Variants in DENND5B observed in about 807,000 individuals in gnomAD.
DENND5B encodes DENN domain-containing protein 5B.
DENND5B carries 34 observed loss-of-function variants against 140.6 expected under a neutral mutation model. The observed-to-expected ratio is 0.24, with a 90% CI of 0.18 to 0.32. DENND5B has a LOEUF of 0.32. DENND5B is among the 10% of genes least tolerant of loss of function. DENND5B has a pLI of 1.00. For synonymous variants in DENND5B, 551 were observed against 562.1 expected (o/e 0.98, Z 0.28); for missense variants, 1,142 against 1,560.2 (o/e 0.73, Z 4.52).
intron 1 of DENND5B, among the ~76,000 whole-genome samples, chr12:31,556,300 G>A (rs972915654): frequency 2.0e-5 from 3 of 152,114 alleles, no homozygotes; most frequent in African/African-American, 7.2e-5. Flanking sequence ...CGCCTCCTGG[G>A]TTCAAACAGT....
chr12:31,435,934 T>C (rs186479180), intron 7 of DENND5B, among the ~76,000 whole-genome samples: 53 of 151,072 alleles, frequency 3.5e-4, no homozygotes, highest in Non-Finnish European at 6.2e-4. Flanking sequence ...GTAGGTGGGA[T>C]TACAGGTGCA....
intron 18 of DENND5B, 90 bp from the exon 19 acceptor site, chr12:31,392,483 T>C: frequency 6.4e-7 from 1 of 1,570,790 alleles, no homozygotes; most frequent in Non-Finnish European, 8.6e-7. Context: ...AAGGTAGCTA[T>C]ATGAAGCATG....
chr12:31,508,460 T>TAC (rs764446130), intron 1 of DENND5B, among the ~76,000 whole-genome samples: 4 of 152,148 alleles, frequency 2.6e-5, no homozygotes, highest in Non-Finnish European at 5.9e-5. Context: ...AAATATCACA[T>TAC]TAGTCAATGC....
intron 3 of DENND5B, chr12:31,465,697 G>C (rs1289849653): frequency 6.6e-6 from 1 of 152,158 alleles, no homozygotes; most frequent in Non-Finnish European, 1.5e-5. Flanking sequence ...AATTATGTTG[G>C]CTTTGAGGTC....
At chr12:31,401,125 G>C (rs1436143049) in intron 15 of DENND5B, among the ~76,000 whole-genome samples, 1 of 152,158 alleles carries the variant, frequency 6.6e-6, no homozygotes, top group East Asian at 1.9e-4. Flanking sequence ...TTACAGGCGT[G>C]AGCCACTGGC....
rs949372061 is a variant in DENND5B, at chr12:31,524,221, G to A, written c.128-28302C>T. Among the ~76,000 whole-genome samples the A allele has an allele frequency of 2.0e-5, 3 of 152,100 alleles. No individual in the cohort carries two copies. In the South Asian group the frequency reaches 6.2e-4, roughly 32 times the overall value. On this transcript the variant is annotated intron_variant, in intron 1 of 20. Transcript: ENST00000389082. ...ACCTTTTATTAGGAAACTCTAAGAG[G>A]TCTATTTCTCTCCTTTTGAATTTGG...
intron 14 of DENND5B, among the ~76,000 whole-genome samples, chr12:31,408,963 AC>A (rs1212217354): frequency 2.6e-5 from 4 of 151,908 alleles, no homozygotes; most frequent in Non-Finnish European, 5.9e-5. Flanking sequence ...CATCTATCTA[AC>A]CCCCATGGTG....
chr12:31,489,534 A>T (rs926437253), intron 2 of DENND5B, among the ~76,000 whole-genome samples: 1 of 152,234 alleles, frequency 6.6e-6, no homozygotes, highest in Non-Finnish European at 1.5e-5. Context: ...TTTGCAGTGG[A>T]GGTCACACCT....
intron 2 of DENND5B, among the ~76,000 whole-genome samples, chr12:31,490,893 T>C (rs1234818902): frequency 6.6e-6 from 1 of 152,216 alleles, no homozygotes. Context: ...AATTATAAAG[T>C]AAGAGCTTTA....
intron 1 of DENND5B, among the ~76,000 whole-genome samples, chr12:31,549,603 A>C (rs1436398892): frequency 6.6e-6 from 1 of 151,758 alleles, no homozygotes; most frequent in Admixed American, 6.6e-5. Flanking sequence ...TACACAGGTA[A>C]ATGTGTGCCA....
At chr12:31,585,567 AC>A (rs2139512479) in intron 1 of DENND5B, among the ~76,000 whole-genome samples, 1 of 152,342 alleles carries the variant, frequency 6.6e-6, no homozygotes, top group South Asian at 2.1e-4. Context: ...AGCATAGTGG[AC>A]TGGAACCACC....
At chr12:31,457,142 A>C (rs980632139) in intron 4 of DENND5B, among the ~76,000 whole-genome samples, 3 of 152,236 alleles carry the variant, frequency 2.0e-5, no homozygotes, top group Non-Finnish European at 4.4e-5. Flanking sequence ...AAGTTGCAAA[A>C]GCAGCTCTGT....
chr12:31,410,220 C>G (rs922732082), intron 13 of DENND5B, among the ~76,000 whole-genome samples: 1 of 152,002 alleles, frequency 6.6e-6, no homozygotes, highest in Non-Finnish European at 1.5e-5. Flanking sequence ...TACTTTAAAC[C>G]AATCATACCC....
At chr12:31,514,051 G>GC (rs1398331038) in intron 1 of DENND5B, among the ~76,000 whole-genome samples, 1 of 151,962 alleles carries the variant, frequency 6.6e-6, no homozygotes, top group Non-Finnish European at 1.5e-5. Flanking sequence ...TCACTATGTT[G>GC]CCCAAGCTGG....
At chr12:31,551,102 A>C (rs1213349113) in intron 1 of DENND5B, among the ~76,000 whole-genome samples, 2 of 151,982 alleles carry the variant, frequency 1.3e-5, no homozygotes, top group Non-Finnish European at 2.9e-5. Context: ...TTTTGTTGCC[A>C]TTGCTTTTGG....
intron 11 of DENND5B, 87 bp downstream of exon 11, chr12:31,423,510 G>C: frequency 1.5e-6 from 2 of 1,348,052 alleles, no homozygotes; most frequent in Non-Finnish European, 2.1e-6. Context: ...ATTTTAGCTT[G>C]AGAGAGAAAG....
chr12:31,550,204 T>TCCCTCCC (rs1485855341), intron 1 of DENND5B, among the ~76,000 whole-genome samples: 1 of 113,014 alleles, frequency 8.8e-6, no homozygotes, highest in Admixed American at 9.0e-5. Context: ...CCTAATGCTA[T>TCCCTCCC]CCCTCCCCCC....
intron 1 of DENND5B, among the ~76,000 whole-genome samples, chr12:31,570,818 T>G (rs910026866): frequency 1.3e-5 from 2 of 152,050 alleles, no homozygotes; most frequent in South Asian, 2.1e-4. Context: ...CTCAAGGTCT[T>G]TGGTTGGTTG....
intron 14 of DENND5B, among the ~76,000 whole-genome samples, chr12:31,408,406 C>T (rs7303848): frequency 0.58 from 86,840 of 150,966 alleles, 25,383 homozygotes; most frequent in East Asian, 0.82. Flanking sequence ...GCAGGTGGGT[C>T]ACTTGAGGTC....
Sources: gnomAD v4.1 joint callset for allele counts (sites outside exome capture counted in the v4.1 genomes callset) on GRCh38, gnomAD v4.1.1 for gene constraint, MANE v1.5 for transcripts, NCBI Gene and HGNC (gene_info 2026-07-23, HGNC 2026-07-21) for gene names.